Variants in KCNT2 observed in about 807,000 individuals in gnomAD.
KCNT2 encodes potassium sodium-activated channel subfamily T member 2, also known as potassium channel subfamily T member 2.
KCNT2 carries 67 observed loss-of-function variants against 153.8 expected under a neutral mutation model. That is an observed-to-expected ratio of 0.44 (90% CI 0.36 to 0.53). The LOEUF (loss-of-function observed/expected upper bound fraction) is 0.53. Among genes scored for constraint, KCNT2 ranks in the 20% least tolerant of loss-of-function variants. KCNT2 has a pLI of 0.00. For synonymous variants in KCNT2, 500 were observed against 458.8 expected (o/e 1.09, Z -1.15); for missense variants, 975 against 1,354.8 (o/e 0.72, Z 4.40).
intron 8 of KCNT2, among the ~76,000 whole-genome samples, chr1:196,435,139 GTATATATATATATATATATA>G (rs1166021273): frequency 6.8e-4 from 31 of 45,726 alleles, no homozygotes; most frequent in Middle Eastern, 0.062. Context: ...GTGTGTGTAT[GTATATATATATATATATATA>G]TATATATATA....
chr1:196,476,731 T>C (rs898862653), intron 5 of KCNT2, among the ~76,000 whole-genome samples: 1 of 152,172 alleles, frequency 6.6e-6, no homozygotes, highest in East Asian at 1.9e-4. Context: ...TTATAAACTT[T>C]CCTATAATAT....
intron 25 of KCNT2, chr1:196,258,773 C>A: frequency 2.7e-6 from 1 of 376,940 alleles, no homozygotes; most frequent in Non-Finnish European, 4.9e-6. Flanking sequence ...CTTTACTTAG[C>A]ATACATAGTT....
At chr1:196,503,364 A>G (rs549027251) in intron 1 of KCNT2, among the ~76,000 whole-genome samples, 126 of 152,320 alleles carry the variant, frequency 8.3e-4, no homozygotes, top group Middle Eastern at 3.4e-3. Flanking sequence ...GCTGTTCATC[A>G]CAAAACTATT....
intron 13 of KCNT2, among the ~76,000 whole-genome samples, chr1:196,384,886 A>C (rs1447863034): frequency 6.6e-6 from 1 of 152,036 alleles, no homozygotes; most frequent in East Asian, 1.9e-4. Flanking sequence ...TAACAACCTA[A>C]TCTTCATTCC....
intron 26 of KCNT2, among the ~76,000 whole-genome samples, chr1:196,246,975 A>G (rs1279502630): frequency 6.6e-6 from 1 of 152,146 alleles, no homozygotes; most frequent in Non-Finnish European, 1.5e-5. Flanking sequence ...AACCCTCCCA[A>G]TCAAAATACA....
chr1:196,596,270 G>A (rs1234902335), intron 1 of KCNT2, among the ~76,000 whole-genome samples: 1 of 152,064 alleles, frequency 6.6e-6, no homozygotes, highest in Middle Eastern at 3.4e-3. Flanking sequence ...TAGATCAAAT[G>A]GTAGTACAAC....
At chr1:196,562,616 G>A (rs911158573) in intron 1 of KCNT2, among the ~76,000 whole-genome samples, 2 of 151,532 alleles carry the variant, frequency 1.3e-5, no homozygotes, top group African/African-American at 4.8e-5. Flanking sequence ...GAATTTGAGG[G>A]AACTGGGGGA....
rs755082514 is a variant in KCNT2, at chr1:196,331,236, A to G, written c.2023T>C (p.Ser675Pro). 8 of 1,600,922 alleles carry G rather than the reference A, an allele frequency of 5.0e-6. No homozygotes were observed. Among genetic ancestry groups the G allele is most frequent in the African/African-American group, 4.0e-5 (3 of 74,628 alleles). Residue 675 changes from serine (S) to proline (P), a missense_variant, in exon 18 of 28, where the codon TCT becomes CCT. Ser to Pro is a moderately conservative substitution (Grantham distance 74). Around this residue, in one of 6 missense-constraint regions of KCNT2, gnomAD observed 325 missense variants for 388.1 expected, o/e 0.84. Transcript: ENST00000294725. ...LEYAKGYPPY[S>P]PYIGSSPTFC... The stretch of plus-strand genomic sequence containing the variant: ...GTGGGTGAACTTCCTATATATGGAG[A>G]ATAAGGTGGGTAACCTTTAGCATAC...
At chr1:196,330,707 A>C (rs1664375707) in intron 18 of KCNT2, among the ~76,000 whole-genome samples, 1 of 152,030 alleles carries the variant, frequency 6.6e-6, no homozygotes, top group Non-Finnish European at 1.5e-5. Context: ...ATATTAGGCA[A>C]GACTCTAATA....
At chr1:196,308,572 G>A (rs987163612) in intron 21 of KCNT2, among the ~76,000 whole-genome samples, 1 of 151,654 alleles carries the variant, frequency 6.6e-6, no homozygotes, top group African/African-American at 2.4e-5. Context: ...ACTTGTGTTA[G>A]AAATTGAAAG....
chr1:196,466,053 C>T (rs886921572), intron 7 of KCNT2, among the ~76,000 whole-genome samples: 1 of 151,716 alleles, frequency 6.6e-6, no homozygotes, highest in African/African-American at 2.4e-5. Flanking sequence ...TATTAATGAA[C>T]AGAAAAGCAA....
chr1:196,492,360 A>C lies in KCNT2; in HGVS notation c.96-19T>G. 5.9e-6 allele frequency: 8 copies of C among 1,351,430 alleles called. No homozygotes were observed. Among genetic ancestry groups the C allele is most frequent in the Non-Finnish European group, 7.9e-6 (8 of 1,017,934 alleles). The allele number at this position is 1,351,430 out of a possible 1,614,324, so 83.7% of individuals were successfully genotyped here. A position where few individuals can be genotyped will look rare whatever the true frequency, so the allele number is the denominator to read the frequency against. ...TTGTACCCTGCAAACAGAAAATAAAAACATGTAAATGTATGCAAGCAACCA... is the reference window on the plus strand; with the variant it reads ...TTGTACCCTGCAAACAGAAAATAAACACATGTAAATGTATGCAAGCAACCA... On this transcript the variant is annotated intron_variant, in intron 1 of 27. Transcript: ENST00000294725.
At position 196,391,782 on chromosome 1, in the gene KCNT2, T is replaced by C. The variant is rs187147015; in HGVS notation, c.1294+6781A>G. ...ATGGTTATATATACCACATTAACAT[T>C]AGGAGAAGCTGTGGGATGTAGAGGG... On this transcript the variant is annotated intron_variant, in intron 13 of 27. Coordinates refer to ENST00000294725, the MANE Select transcript of KCNT2 (RefSeq NM_198503.5). Among the ~76,000 whole-genome samples the C allele has an allele frequency of 2.7e-3, 402 of 151,478 alleles. 3 individuals carry two copies. The highest frequency in any genetic ancestry group is 9.2e-3 in the African/African-American group (383 of 41,466).
At chr1:196,515,742 C>T (rs955526566) in intron 1 of KCNT2, among the ~76,000 whole-genome samples, 2 of 152,116 alleles carry the variant, frequency 1.3e-5, no homozygotes, top group African/African-American at 4.8e-5. Context: ...CAGGTACATG[C>T]ATTGGGATCC....
chr1:196,447,665 T>A (rs1167644205), intron 8 of KCNT2, among the ~76,000 whole-genome samples: 1 of 151,586 alleles, frequency 6.6e-6, no homozygotes, highest in Non-Finnish European at 1.5e-5. Context: ...GAATACTCAG[T>A]GTGAAGAAAG....
intron 1 of KCNT2, among the ~76,000 whole-genome samples, chr1:196,520,957 T>C (rs1653302276): frequency 6.6e-6 from 1 of 152,168 alleles, no homozygotes; most frequent in Non-Finnish European, 1.5e-5. Flanking sequence ...TTGGATCTAA[T>C]TAAACTTAAG....
intron 1 of KCNT2, among the ~76,000 whole-genome samples, chr1:196,546,136 A>T (rs906543755): frequency 6.6e-6 from 1 of 152,056 alleles, no homozygotes; most frequent in Non-Finnish European, 1.5e-5. Context: ...GCACCAAACA[A>T]TTTTATGAGA....
intron 16 of KCNT2, among the ~76,000 whole-genome samples, chr1:196,334,737 GACAA>G (rs1287162330): frequency 2.0e-5 from 3 of 151,962 alleles, no homozygotes; most frequent in African/African-American, 2.4e-5. Context: ...CTGTAGAGAA[GACAA>G]ACAAAGTTTC....
chr1:196,320,554 G>A (rs571048015), intron 19 of KCNT2, among the ~76,000 whole-genome samples: 23 of 151,700 alleles, frequency 1.5e-4, no homozygotes, highest in Non-Finnish European at 2.5e-4. Flanking sequence ...CATATGAGGA[G>A]GAGAAGAAAA....
Sources: allele counts gnomAD v4.1 joint callset (sites outside exome capture counted in the v4.1 genomes callset), GRCh38; gene constraint gnomAD v4.1.1; regional missense constraint gnomAD v4.1.1; transcripts MANE v1.5; gene names NCBI Gene and HGNC (gene_info 2026-07-23, HGNC 2026-07-21).